MSTO1: variants seen among roughly 807,000 people sequenced by gnomAD.
The protein encoded by MSTO1 is misato mitochondrial distribution and morphology regulator 1.
Under a neutral mutation model 55.7 loss-of-function variants are expected in MSTO1, and 24 were observed. The observed-to-expected ratio is 0.43, with a 90% confidence interval of 0.31 to 0.61. The LOEUF is 0.61. MSTO1 is among the 20% of genes least tolerant of loss of function. The pLI is 0.09. For missense variants in MSTO1, 363 were observed against 625.7 expected, an observed-to-expected ratio of 0.58 and a Z score of 4.48; for synonymous variants, 162 against 252.8, an observed-to-expected ratio of 0.64 and a Z score of 3.41.
chr1:155,600,975 C>CTT, the MSTO1 span, among the ~76,000 whole-genome samples: 56 of 119,120 alleles, frequency 4.7e-4, no homozygotes, highest in East Asian at 1.2e-3. Context: ...TGTGCTAGGC[C>CTT]TTTTTTTTTT....
the MSTO1 span, chr1:155,602,195 C>T: frequency 1.5e-6 from 1 of 674,460 alleles, no homozygotes; most frequent in East Asian, 3.0e-5. Flanking sequence ...TGAGCACTTC[C>T]TGGCCGGGCT....
At chr1:155,609,246 T>A (rs1266682542), upstream of MSTO1, among the ~76,000 whole-genome samples, 314 of 111,028 alleles carry the variant, frequency 2.8e-3, 1 homozygote, top group African/African-American at 7.1e-3. Flanking sequence ...TATATATATT[T>A]TTTTTTTTTT....
the MSTO1 span, among the ~76,000 whole-genome samples, chr1:155,578,655 C>T: frequency 1.1e-4 from 16 of 150,976 alleles, no homozygotes; most frequent in East Asian, 2.4e-3. Context: ...GGACTACAGG[C>T]GCCCGCCACC....
the MSTO1 span, among the ~76,000 whole-genome samples, chr1:155,577,725 A>G: frequency 6.6e-6 from 1 of 152,182 alleles, no homozygotes; most frequent in African/African-American, 2.4e-5. Flanking sequence ...TGGCATTTCC[A>G]TATGAATTTT....
At chr1:155,563,400 T>C in the MSTO1 span, 4 of 456,232 alleles carry the variant, frequency 8.8e-6, no homozygotes, top group South Asian at 6.2e-5. Context: ...CTCCAGGAGG[T>C]AGGGAGTGAG....
At chr1:155,582,094 A>G in the MSTO1 span, among the ~76,000 whole-genome samples, 1 of 151,428 alleles carries the variant, frequency 6.6e-6, no homozygotes, top group Non-Finnish European at 1.5e-5. Flanking sequence ...GAGTTTCACC[A>G]TGTTAGCCAA....
the MSTO1 span, among the ~76,000 whole-genome samples, chr1:155,582,075 G>A: frequency 2.0e-5 from 3 of 150,932 alleles, no homozygotes; most frequent in African/African-American, 4.9e-5. Context: ...TGTATTTTTA[G>A]TAGAGACAGA....
the MSTO1 span, chr1:155,590,971 T>A: frequency 6.2e-7 from 1 of 1,613,716 alleles, no homozygotes; most frequent in South Asian, 1.1e-5. Context: ...CCCAGCAAGG[T>A]AGACCAGCAA....
chr1:155,564,409 G>A, the MSTO1 span, among the ~76,000 whole-genome samples: 1 of 152,146 alleles, frequency 6.6e-6, no homozygotes, highest in Non-Finnish European at 1.5e-5. Flanking sequence ...CAGGAGAATC[G>A]CTTGAACCTG....
the MSTO1 span, among the ~76,000 whole-genome samples, chr1:155,595,310 TG>T: frequency 2.0e-5 from 3 of 150,286 alleles, no homozygotes; most frequent in Admixed American, 6.7e-5. Flanking sequence ...CCCGAGCAAC[TG>T]GGACTACAGG....
the MSTO1 span, among the ~76,000 whole-genome samples, chr1:155,578,465 A>C: frequency 7.3e-6 from 1 of 136,912 alleles, no homozygotes; most frequent in African/African-American, 2.7e-5. Context: ...CAGCCTCCCA[A>C]GTAGCTGGAA....
chr1:155,609,249 T>A (rs1204934759), upstream of MSTO1, among the ~76,000 whole-genome samples: 30 of 97,358 alleles, frequency 3.1e-4, no homozygotes, highest in East Asian at 3.7e-3. Context: ...ATATATTTTT[T>A]TTTTTTTTTT....
chr1:155,577,796 T>C, the MSTO1 span, among the ~76,000 whole-genome samples: 1 of 152,048 alleles, frequency 6.6e-6, no homozygotes, highest in South Asian at 2.1e-4. Context: ...CAGGTTGGAG[T>C]GGAGTGGCGC....
At chr1:155,583,088 C>A in the MSTO1 span, among the ~76,000 whole-genome samples, 1 of 151,794 alleles carries the variant, frequency 6.6e-6, no homozygotes. Flanking sequence ...CGAGGCTGAT[C>A]TCCAACTCCT....
upstream of MSTO1, among the ~76,000 whole-genome samples, chr1:155,608,889 A>G (rs1414034878): frequency 6.7e-6 from 1 of 150,334 alleles, no homozygotes; most frequent in Non-Finnish European, 1.5e-5. Context: ...CAGTGGCGTG[A>G]TATCGGCTCA....
chr1:155,613,327 C>T (rs1362081580), intron 11 of MSTO1, 94 bp downstream of exon 11: 8 of 1,567,560 alleles, frequency 5.1e-6, no homozygotes, highest in South Asian at 1.2e-5. Flanking sequence ...GATACTGTTC[C>T]CTCCCCACCC....
At chr1:155,599,197 G>A in the MSTO1 span, among the ~76,000 whole-genome samples, 1 of 151,576 alleles carries the variant, frequency 6.6e-6, no homozygotes, top group Non-Finnish European at 1.5e-5. Context: ...AAAAAAAAAA[G>A]AAAAGCCTTT....
the MSTO1 span, among the ~76,000 whole-genome samples, chr1:155,596,332 G>A: frequency 6.6e-6 from 1 of 152,156 alleles, no homozygotes; most frequent in Non-Finnish European, 1.5e-5. Flanking sequence ...TCACATGACT[G>A]GAGCATCTCT....
chr1:155,581,539 G>A, the MSTO1 span, among the ~76,000 whole-genome samples: 1 of 151,746 alleles, frequency 6.6e-6, no homozygotes, highest in African/African-American at 2.4e-5. Flanking sequence ...AATCTCCCAA[G>A]TAGCTGGGAT....
Sources: allele counts gnomAD v4.1 joint callset (sites outside exome capture counted in the v4.1 genomes callset), GRCh38; gene constraint gnomAD v4.1.1; transcripts MANE v1.5; gene names NCBI Gene and HGNC (gene_info 2026-07-23, HGNC 2026-07-21).